The following PEAK1 variants were observed in gnomAD, a reference collection of about 807,000 sequenced individuals.
The protein encoded by PEAK1 is pseudopodium enriched atypical kinase 1.
In PEAK1, 54 loss-of-function variants were observed where a neutral mutation model predicts 124.7. The ratio of observed to expected loss-of-function variants is 0.43; its 90% CI spans 0.35 to 0.54. The LOEUF (loss-of-function observed/expected upper bound fraction) is 0.54, where lower values mean the gene tolerates loss of function less well. Ranked by LOEUF, PEAK1 falls within the 20% of genes least tolerant of loss-of-function variation. The pLI, the probability that PEAK1 is intolerant of heterozygous loss-of-function variation, is 0.01. For missense variants in PEAK1, 2,046 were observed against 2,134.5 expected (o/e 0.96, Z 0.82); for synonymous variants, 719 against 760.0 (o/e 0.95, Z 0.89).
At chr15:77,190,018 T>C (rs2057753897) in intron 6 of PEAK1, among the ~76,000 whole-genome samples, 1 of 152,202 alleles carries the variant, frequency 6.6e-6, no homozygotes, top group Non-Finnish European at 1.5e-5. Flanking sequence ...AGAAAAATCC[T>C]GCTTGAATGT....
At chr15:77,312,740 G>A (rs1037564476) in intron 2 of PEAK1, among the ~76,000 whole-genome samples, 7 of 152,206 alleles carry the variant, frequency 4.6e-5, no homozygotes, top group Admixed American at 6.5e-5. Flanking sequence ...GAAGAAGGCT[G>A]AAGGCCTAAA....
chr15:77,260,187 G>C (rs2061367771), intron 5 of PEAK1, among the ~76,000 whole-genome samples: 1 of 152,018 alleles, frequency 6.6e-6, no homozygotes, highest in African/African-American at 2.4e-5. Flanking sequence ...CTGAGTGAGG[G>C]GCCCTAGAAT....
chr15:77,180,493 C>T lies in PEAK1; in HGVS notation c.1434G>A (p.Val478=). Residue 478 remains valine, a synonymous_variant, in exon 7 of 10, where the codon GTG becomes GTA. Coordinates refer to ENST00000682557, the MANE Select transcript of PEAK1 (RefSeq NM_001385026.1). ...CACTGGCCATGGCTGCTGACACATC[C>T]ACGACAGTATATGGCTTGCACAATG... The part of the protein sequence containing the change: ...EQPLCKPYTV[V]DVSAAMASEH... 2 of 1,614,076 alleles carry T rather than the reference C, an allele frequency of 1.2e-6. No homozygotes were observed. The highest frequency in any genetic ancestry group is 1.3e-5 in the African/African-American group (1 of 74,994).
At chr15:77,405,060 C>T (rs557980604) in intron 1 of PEAK1, among the ~76,000 whole-genome samples, 4 of 150,744 alleles carry the variant, frequency 2.7e-5, no homozygotes, top group Non-Finnish European at 5.9e-5. Context: ...GGCTGGAGTG[C>T]AGTGGTGCAA....
In PEAK1 at chr15:77,180,194, A is replaced by T. The variant is rs1027269114; in HGVS notation, c.1733T>A (p.Ile578Asn). ...CTTAACAGGGATGGTTTTGGAGGAA[A>T]TGTTTGTAGCTGTGGGTGATGTAGG... Reference protein sequence around the residue: ...SAPTSPTATNISSKTIPVKSP... With the variant: ...SAPTSPTATNNSSKTIPVKSP... Residue 578 changes from isoleucine (I) to asparagine (N), a missense_variant, in exon 7 of 10, where the codon ATT becomes AAT. Coordinates refer to ENST00000682557, the MANE Select transcript of PEAK1 (RefSeq NM_001385026.1). The T allele has an allele frequency of 2.5e-6, 4 of 1,614,034 alleles. No homozygotes were observed. In the African/African-American group the frequency reaches 5.3e-5, roughly 22 times the overall value.
chr15:77,348,184 G>GAAAAAAAAAAAA (rs371641400), intron 2 of PEAK1: 1 of 630,762 alleles, frequency 1.6e-6, no homozygotes. Flanking sequence ...CACATGCTAA[G>GAAAAAAAAAAAA]AAAAAAAAAA....
At chr15:77,150,995 C>A (rs2054574872) in intron 8 of PEAK1, among the ~76,000 whole-genome samples, 1 of 152,020 alleles carries the variant, frequency 6.6e-6, no homozygotes, top group African/African-American at 2.4e-5. Flanking sequence ...GTCTTTATAG[C>A]AGCATGATTT....
intron 1 of PEAK1, among the ~76,000 whole-genome samples, chr15:77,389,559 T>C (rs919466638): frequency 1.3e-5 from 2 of 152,208 alleles, no homozygotes; most frequent in African/African-American, 4.8e-5. Context: ...TAGGTTATTA[T>C]GAAAGTAATT....
At chr15:77,365,478 C>T (rs190241883) in intron 1 of PEAK1, among the ~76,000 whole-genome samples, 2 of 152,312 alleles carry the variant, frequency 1.3e-5, no homozygotes, top group East Asian at 3.9e-4. Context: ...CGGCTCACGC[C>T]TGTAATCCCA....
chr15:77,318,652 T>C (rs576750640), intron 2 of PEAK1, among the ~76,000 whole-genome samples: 2 of 152,096 alleles, frequency 1.3e-5, no homozygotes, highest in East Asian at 3.9e-4. Context: ...TTATTAGTCA[T>C]AAATTATAAA....
intron 2 of PEAK1, chr15:77,352,332 T>C: frequency 2.0e-6 from 2 of 985,378 alleles, no homozygotes; most frequent in Non-Finnish European, 2.4e-6. Flanking sequence ...TTACTCGATC[T>C]ATCTCCAGAA....
At chr15:77,373,198 T>G (rs563146990) in intron 1 of PEAK1, among the ~76,000 whole-genome samples, 121 of 152,290 alleles carry the variant, frequency 7.9e-4, no homozygotes, top group Middle Eastern at 6.8e-3. Flanking sequence ...TCCACTATGC[T>G]CTCTTATGCC....
At chr15:77,137,557 G>T (rs780532397) in intron 8 of PEAK1, among the ~76,000 whole-genome samples, 1 of 152,158 alleles carries the variant, frequency 6.6e-6, no homozygotes, top group African/African-American at 2.4e-5. Context: ...GCTGGATTTC[G>T]GACTTGTGTG....
rs1038501022 is a variant in PEAK1 at position 77,335,930 on chromosome 15, A to G, written c.-603+29233T>C. The G allele has an allele frequency of 7.1e-6, 7 of 985,202 alleles. No individual in the cohort carries two copies. The African/African-American group carries it at 1.2e-4, about 17-fold the overall frequency. 61.0% of individuals were successfully genotyped at this position (985,202 alleles called of 1,614,324 possible). On this transcript the variant is annotated intron_variant, in intron 2 of 9. Coordinates refer to ENST00000682557, the MANE Select transcript of PEAK1 (RefSeq NM_001385026.1). ...AGGAAACAAATGCCACAATAAGAACACCTATCTCTTTCTGGGAAATCTTTT... is the reference window on the plus strand; with the variant it reads ...AGGAAACAAATGCCACAATAAGAACGCCTATCTCTTTCTGGGAAATCTTTT...
intron 2 of PEAK1, chr15:77,336,097 G>A: frequency 1.0e-6 from 1 of 985,410 alleles, no homozygotes; most frequent in Non-Finnish European, 1.2e-6. Flanking sequence ...AGACTAAACA[G>A]TGAGTGCCAA....
At chr15:77,213,297 A>G (rs2058989381) in intron 6 of PEAK1, among the ~76,000 whole-genome samples, 2 of 152,234 alleles carry the variant, frequency 1.3e-5, no homozygotes. Flanking sequence ...ATGACAAAAC[A>G]CAGAAAATGA....
At chr15:77,173,400 G>A (rs2056643452) in intron 7 of PEAK1, among the ~76,000 whole-genome samples, 1 of 152,086 alleles carries the variant, frequency 6.6e-6, no homozygotes, top group Admixed American at 6.6e-5. Context: ...ATATGCTGTA[G>A]AAGATTAAAT....
intron 5 of PEAK1, among the ~76,000 whole-genome samples, chr15:77,257,300 A>C (rs1399330846): frequency 6.6e-6 from 1 of 151,378 alleles, no homozygotes; most frequent in East Asian, 1.9e-4. Flanking sequence ...AGGAATCGCC[A>C]CACTGACTTC....
rs117217208 is a variant in PEAK1, at chr15:77,273,890, C to T, written c.-275+9993G>A. Reference sequence around the variant, plus strand: ...CCAACTTCAAACGATACTATAAGGCCATAGTCACCAAAACAGCATTGTACT... The same window carrying T: ...CCAACTTCAAACGATACTATAAGGCTATAGTCACCAAAACAGCATTGTACT... On this transcript the variant is annotated intron_variant, in intron 5 of 9. Transcript: ENST00000682557. Among the ~76,000 whole-genome samples the T allele has an allele frequency of 8.7e-4, 132 of 152,074 alleles. 2 individuals are homozygous for T. In the East Asian group the frequency reaches 0.021, roughly 24 times the overall value.
Sources: gnomAD v4.1 joint callset for allele counts (sites outside exome capture counted in the v4.1 genomes callset) on GRCh38, gnomAD v4.1.1 for gene constraint, MANE v1.5 for transcripts, NCBI Gene and HGNC (gene_info 2026-07-23, HGNC 2026-07-21) for gene names.